LY86: variants seen among roughly 807,000 people sequenced by gnomAD.
LY86 encodes the protein lymphocyte antigen 86, also known as MD-1, RP105-associated.
LY86 carries 20 observed loss-of-function variants against 17.3 expected under a neutral mutation model. That is an observed-to-expected ratio of 1.15 (90% CI 0.81 to 1.68). LY86 has a LOEUF of 1.68. LY86 is among the 40% of genes most tolerant of loss of function. LY86 has a pLI of 0.00. For missense variants in LY86, 200 were observed against 191.9 expected (o/e 1.04, Z -0.25); for synonymous variants, 74 against 70.6 (o/e 1.05, Z -0.24).
intron 1 of LY86, among the ~76,000 whole-genome samples, chr6:6,614,323 C>G (rs1396062753): frequency 3.3e-5 from 5 of 151,982 alleles, no homozygotes; most frequent in Non-Finnish European, 7.4e-5. Flanking sequence ...TGTTGCTTGT[C>G]TCTTAAGTAG....
intron 3 of LY86, among the ~76,000 whole-genome samples, chr6:6,636,976 G>C (rs1397053056): frequency 7.0e-6 from 1 of 143,472 alleles, no homozygotes; most frequent in African/African-American, 2.6e-5. Context: ...ACTTTTTCTT[G>C]CTAAATGGAA....
At chr6:6,643,937 G>T (rs1762074752) in intron 3 of LY86, among the ~76,000 whole-genome samples, 2 of 152,220 alleles carry the variant, frequency 1.3e-5, no homozygotes, top group Non-Finnish European at 1.5e-5. Context: ...GTGGGAAAGG[G>T]ACTCAAAATG....
chr6:6,653,182 A>G (rs1289930186), intron 4 of LY86, among the ~76,000 whole-genome samples: 2 of 152,120 alleles, frequency 1.3e-5, no homozygotes, highest in Non-Finnish European at 2.9e-5. Context: ...CTTGAATACA[A>G]TTTCAGTGTT....
chr6:6,605,452 G>A (rs540629513), intron 1 of LY86, among the ~76,000 whole-genome samples: 19 of 152,316 alleles, frequency 1.2e-4, no homozygotes, highest in South Asian at 8.3e-4. Context: ...CCACTCACAG[G>A]GCTGTTACTG....
intron 1 of LY86, among the ~76,000 whole-genome samples, chr6:6,618,427 CA>C (rs1761602358): frequency 1.0e-5 from 1 of 97,668 alleles, no homozygotes; most frequent in African/African-American, 4.2e-5. Flanking sequence ...ATTATGAATT[CA>C]ATTTTTTTTT....
At chr6:6,649,481 C>A in intron 3 of LY86, 144 bp from the exon 4 acceptor site, 1 of 595,108 alleles carries the variant, frequency 1.7e-6, no homozygotes, top group Non-Finnish European at 2.9e-6. Flanking sequence ...AGGTGTAGAT[C>A]AGGAAATGAA....
rs1182422555 is a variant in LY86, at chr6:6,654,524, T to G, written c.406-20T>G. On this transcript the variant is annotated intron_variant, in intron 4 of 4. Coordinates refer to ENST00000230568, the MANE Select transcript of LY86 (RefSeq NM_004271.4). ...GTACTGTGGGTCACACGTCTAATAC[T>G]TGACCTGTGCCCCTTGCAGGGAGAA... 1 of 1,594,384 alleles carries G rather than the reference T, an allele frequency of 6.3e-7. No individual in the cohort carries two copies. The highest frequency in any genetic ancestry group is 1.7e-5 in the Admixed American group (1 of 59,952).
Position 6,639,545 on chromosome 6 carries a change from CT to C in LY86, c.353-10077del, listed in dbSNP as rs146808972. On this transcript the variant is annotated intron_variant, in intron 3 of 4. Transcript: ENST00000230568. ...CTTCTGGAGGCCCAGGGAAAGCCGG[CT>C]TTCTCGCCTTTTTCAGTTTCTAGAG... is the stretch of plus-strand genomic sequence containing the variant. 4.6e-5 allele frequency among the ~76,000 whole-genome samples: 7 copies of C among 152,340 alleles called. No homozygotes were observed. The East Asian group carries it at 1.3e-3, about 29-fold the overall frequency.
In LY86 at chr6:6,627,353, T is replaced by C. The variant is rs181304570; in HGVS notation, c.352+932T>C. Among the ~76,000 whole-genome samples, 678 of 152,304 alleles carry C rather than the reference T, an allele frequency of 4.5e-3. 3 individuals carry two copies. The highest frequency in any genetic ancestry group is 4.8e-3 in the Non-Finnish European group (329 of 68,024). On this transcript the variant is annotated intron_variant, in intron 3 of 4. Coordinates refer to ENST00000230568, the MANE Select transcript of LY86 (RefSeq NM_004271.4). ...GATCTAGAAGAAATTGGAATCTCCT[T>C]TCTACAGTGAGGGATGCAGACAAAA...
chr6:6,605,740 G>A (rs1016869713), intron 1 of LY86, among the ~76,000 whole-genome samples: 4 of 152,224 alleles, frequency 2.6e-5, no homozygotes, highest in Non-Finnish European at 5.9e-5. Context: ...GTTCTTAAAA[G>A]GCAGTGTGTC....
At chr6:6,644,389 A>G (rs1227979062) in intron 3 of LY86, among the ~76,000 whole-genome samples, 1 of 152,086 alleles carries the variant, frequency 6.6e-6, no homozygotes, top group Non-Finnish European at 1.5e-5. Flanking sequence ...GGTGGCACGC[A>G]CTTGTAGTCT....
intron 3 of LY86, among the ~76,000 whole-genome samples, chr6:6,632,827 A>T (rs567017611): frequency 1.3e-5 from 2 of 152,184 alleles, no homozygotes; most frequent in Admixed American, 6.5e-5. Context: ...CCTGACATCT[A>T]TCAAAGTGTG....
At chr6:6,604,829 C>G (rs1205431555) in intron 1 of LY86, among the ~76,000 whole-genome samples, 1 of 78,778 alleles carries the variant, frequency 1.3e-5, no homozygotes, top group Non-Finnish European at 2.7e-5. Flanking sequence ...AAACCACAAA[C>G]CACCAAAGGA....
Position 6,603,619 on chromosome 6 carries a change from C to CAA in LY86, c.136+14757_136+14758dup, listed in dbSNP as rs758614233. On this transcript the variant is annotated intron_variant, in intron 1 of 4. Coordinates refer to ENST00000230568, the MANE Select transcript of LY86 (RefSeq NM_004271.4). Reference sequence around the variant, plus strand: ...AAACAGAAACAGAAAAAAAAACAAACAAAAAAAAACAAAACACACACACAC... The same window carrying CAA: ...AAACAGAAACAGAAAAAAAAACAAACAAAAAAAAAAACAAAACACACACACAC... 3.0e-3 allele frequency among the ~76,000 whole-genome samples: 348 copies of CAA among 117,658 alleles called. 12 individuals are homozygous for CAA. The highest frequency in any genetic ancestry group is 0.015 in the Middle Eastern group (3 of 200). 77.2% of individuals were successfully genotyped at this position (117,658 alleles called of 152,430 possible).
intron 1 of LY86, among the ~76,000 whole-genome samples, chr6:6,604,764 CCA>C (rs373383542): frequency 5.3e-4 from 80 of 151,984 alleles, no homozygotes; most frequent in East Asian, 2.7e-3. Context: ...AACGTGCTTC[CCA>C]CAGTTTCCCA....
At chr6:6,640,626 T>C (rs1032793211) in intron 3 of LY86, among the ~76,000 whole-genome samples, 1 of 151,504 alleles carries the variant, frequency 6.6e-6, no homozygotes, top group Non-Finnish European at 1.5e-5. Flanking sequence ...GGCAGGAGGA[T>C]CACTTGAGCC....
chr6:6,642,462 A>T (rs1051197756), intron 3 of LY86, among the ~76,000 whole-genome samples: 1 of 152,208 alleles, frequency 6.6e-6, no homozygotes, highest in African/African-American at 2.4e-5. Context: ...AGTTACAATT[A>T]GGCCTGGCTT....
intron 1 of LY86, among the ~76,000 whole-genome samples, chr6:6,611,198 T>G (rs1209309294): frequency 6.6e-6 from 1 of 152,196 alleles, no homozygotes; most frequent in African/African-American, 2.4e-5. Flanking sequence ...GAAGAGCTTT[T>G]GTTGACAAAC....
chr6:6,612,432 C>T (rs58886198), intron 1 of LY86, among the ~76,000 whole-genome samples: 23,722 of 152,136 alleles, frequency 0.16, 1,920 homozygotes, highest in East Asian at 0.23. Context: ...TAAAAGAAAC[C>T]GCAAACCTTC....
Sources: gnomAD v4.1 joint callset for allele counts (sites outside exome capture counted in the v4.1 genomes callset) on GRCh38, gnomAD v4.1.1 for gene constraint, MANE v1.5 for transcripts, NCBI Gene and HGNC (gene_info 2026-07-23, HGNC 2026-07-21) for gene names.